The following CSMD1 variants were observed in gnomAD, a reference collection of about 807,000 sequenced individuals.
CSMD1 encodes the protein CUB and sushi domain-containing protein 1.
CSMD1 carries 213 observed loss-of-function variants against 417.5 expected under a neutral mutation model. The ratio of observed to expected loss-of-function variants is 0.51; its 90% CI spans 0.46 to 0.57. The LOEUF (loss-of-function observed/expected upper bound fraction) is 0.57, where lower values mean the gene tolerates loss of function less well. Ranked by LOEUF, CSMD1 falls within the 20% of genes least tolerant of loss-of-function variation. The probability of loss-of-function intolerance (pLI) is 0.00; values close to 1 mark genes in which losing one functional copy is unlikely to be tolerated. For missense variants in CSMD1, 6,923 were observed against 4,529.7 expected (o/e 1.53, Z -15.17); for synonymous variants, 2,862 against 1,736.8 (o/e 1.65, Z -16.11).
At chr8:3,278,087 G>A (rs1802440797) in intron 26 of CSMD1, among the ~76,000 whole-genome samples, 1 of 152,036 alleles carries the variant, frequency 6.6e-6, no homozygotes, top group Non-Finnish European at 1.5e-5. Context: ...AGTTTCAAGG[G>A]AAAAAATATA....
intron 1 of CSMD1, among the ~76,000 whole-genome samples, chr8:4,659,292 T>C (rs779643258): frequency 1.9e-4 from 29 of 151,942 alleles, no homozygotes; most frequent in Non-Finnish European, 2.6e-4. Flanking sequence ...ACCCTAACTA[T>C]ACAACTGAAG....
intron 3 of CSMD1, among the ~76,000 whole-genome samples, chr8:4,226,051 T>G (rs1437279429): frequency 4.8e-5 from 7 of 145,940 alleles, no homozygotes. Flanking sequence ...AGCTGGAAGG[T>G]TAGAGCTGAC....
intron 51 of CSMD1, among the ~76,000 whole-genome samples, chr8:3,022,782 A>T (rs1484067036): frequency 6.6e-6 from 1 of 152,132 alleles, no homozygotes; most frequent in Non-Finnish European, 1.5e-5. Context: ...TATGAATAAA[A>T]GGCTCAGTGG....
chr8:4,471,633 A>C (rs1409017173), intron 2 of CSMD1, among the ~76,000 whole-genome samples: 1 of 152,126 alleles, frequency 6.6e-6, no homozygotes, highest in East Asian at 1.9e-4. Flanking sequence ...CTCTGCGGCG[A>C]CTGGTTGGAA....
At chr8:4,058,822 G>T (rs1403882184) in intron 3 of CSMD1, among the ~76,000 whole-genome samples, 7 of 151,184 alleles carry the variant, frequency 4.6e-5, no homozygotes, top group Non-Finnish European at 4.4e-5. Context: ...AAGAGACTTA[G>T]ACTCCCACAC....
chr8:4,469,650 C>G (rs1214639071), intron 2 of CSMD1, among the ~76,000 whole-genome samples: 1 of 152,052 alleles, frequency 6.6e-6, no homozygotes, highest in Non-Finnish European at 1.5e-5. Context: ...CAGTGTCTCC[C>G]CACCTCGTCT....
intron 3 of CSMD1, among the ~76,000 whole-genome samples, chr8:4,127,348 T>C (rs1802824353): frequency 6.6e-6 from 1 of 150,738 alleles, no homozygotes; most frequent in Admixed American, 6.6e-5. Context: ...AGCCTCTCCC[T>C]TCCTTCTTTA....
At chr8:4,914,019 C>T (rs1308493421) in intron 1 of CSMD1, among the ~76,000 whole-genome samples, 2 of 152,184 alleles carry the variant, frequency 1.3e-5, no homozygotes, top group East Asian at 1.9e-4. Flanking sequence ...TGTGATGCTG[C>T]AGTTTCTTAA....
Position 3,118,481 on chromosome 8 carries a change from C to T in CSMD1, c.6348G>A (p.Gly2116=), listed in dbSNP as rs768452758. ...GQSVSFECYP[G]YILIGHPVLT... ...GGACAGGATGGCCTATTAGAATGTA[C>T]CCAGGATAACACTCGAAAGATACTG... is the stretch of plus-strand genomic sequence containing the variant. Residue 2116 remains glycine (G), a synonymous_variant, in exon 42 of 70, where the codon GGG becomes GGA. Transcript: ENST00000635120. 5 of 1,613,796 alleles carry T rather than the reference C, an allele frequency of 3.1e-6. No homozygotes were observed. The highest frequency in any genetic ancestry group is 4.2e-6 in the Non-Finnish European group (5 of 1,179,800).
chr8:3,926,186 C>T (rs551562525), intron 5 of CSMD1, among the ~76,000 whole-genome samples: 63 of 152,018 alleles, frequency 4.1e-4, no homozygotes, highest in African/African-American at 1.4e-3. Flanking sequence ...ATATTTTTCC[C>T]AGACATGATT....
chr8:4,944,320 A>G (rs915758119), intron 1 of CSMD1, among the ~76,000 whole-genome samples: 9 of 152,220 alleles, frequency 5.9e-5, no homozygotes, highest in African/African-American at 2.2e-4. Flanking sequence ...GAGCAGACCA[A>G]GAGAAGAAAG....
intron 10 of CSMD1, among the ~76,000 whole-genome samples, chr8:3,517,190 ACT>A (rs1235493968): frequency 6.6e-6 from 1 of 151,744 alleles, no homozygotes; most frequent in African/African-American, 2.4e-5. Flanking sequence ...CAGATGTTTG[ACT>A]CTCTTTGCAT....
At chr8:3,571,066 A>T (rs1391202498) in intron 10 of CSMD1, among the ~76,000 whole-genome samples, 1 of 152,240 alleles carries the variant, frequency 6.6e-6, no homozygotes, top group Non-Finnish European at 1.5e-5. Flanking sequence ...CTCCAGGGCA[A>T]AACACTTCAG....
intron 5 of CSMD1, among the ~76,000 whole-genome samples, chr8:3,874,821 C>G (rs1445336510): frequency 6.6e-6 from 1 of 152,014 alleles, no homozygotes; most frequent in Non-Finnish European, 1.5e-5. Flanking sequence ...ACACCAAAGA[C>G]GGGGTCAATT....
intron 3 of CSMD1, among the ~76,000 whole-genome samples, chr8:4,159,579 G>A (rs567498358): frequency 6.6e-6 from 1 of 152,070 alleles, no homozygotes; most frequent in Non-Finnish European, 1.5e-5. Context: ...ACCTGGATGG[G>A]ATTGCAGACC....
At chr8:4,287,050 C>T (rs1223060565) in intron 3 of CSMD1, among the ~76,000 whole-genome samples, 4 of 152,186 alleles carry the variant, frequency 2.6e-5, no homozygotes, top group East Asian at 1.9e-4. Flanking sequence ...AATGATTGTA[C>T]ACTAAGGCTT....
intron 26 of CSMD1, among the ~76,000 whole-genome samples, chr8:3,254,712 T>C (rs892179675): frequency 2.6e-5 from 4 of 152,250 alleles, no homozygotes; most frequent in African/African-American, 9.6e-5. Context: ...GCCTTGGTTT[T>C]CAGCTCCGTC....
intron 52 of CSMD1, among the ~76,000 whole-genome samples, chr8:3,003,260 C>A (rs1406313325): frequency 6.6e-6 from 1 of 152,122 alleles, no homozygotes; most frequent in Non-Finnish European, 1.5e-5. Flanking sequence ...GAATTTTGAG[C>A]TCTATTTTAA....
At chr8:3,245,783 T>C (rs139478913) in intron 26 of CSMD1, among the ~76,000 whole-genome samples, 1 of 152,216 alleles carries the variant, frequency 6.6e-6, no homozygotes, top group Non-Finnish European at 1.5e-5. Flanking sequence ...AAGGGTTGTG[T>C]TAAGCCCTCT....
Sources: allele counts gnomAD v4.1 joint callset (sites outside exome capture counted in the v4.1 genomes callset), GRCh38; gene constraint gnomAD v4.1.1; transcripts MANE v1.5; gene names NCBI Gene and HGNC (gene_info 2026-07-23, HGNC 2026-07-21).